The following GRID2 variants were observed in gnomAD, a reference collection of about 807,000 sequenced individuals.
GRID2 encodes the protein glutamate ionotropic receptor delta type subunit 2.
Under a neutral mutation model 114.8 loss-of-function variants are expected in GRID2, and 33 were observed. That is an observed-to-expected ratio of 0.29 (90% CI 0.22 to 0.38). The LOEUF (loss-of-function observed/expected upper bound fraction) is 0.38, where lower values mean the gene tolerates loss of function less well. GRID2 is among the 10% of genes least tolerant of loss of function. The pLI is 1.00. For missense variants in GRID2, 1,184 were observed against 1,257.7 expected, an observed-to-expected ratio of 0.94 and a Z score of 0.89; for synonymous variants, 505 against 449.9, an observed-to-expected ratio of 1.12 and a Z score of -1.55.
chr4:92,796,091 C>A (rs1277091585), intron 2 of GRID2, among the ~76,000 whole-genome samples: 2 of 151,882 alleles, frequency 1.3e-5, no homozygotes, highest in Non-Finnish European at 2.9e-5. Context: ...ATACTGTAAT[C>A]ATTCCCGACT....
At chr4:92,444,195 C>T (rs2149071240) in intron 1 of GRID2, among the ~76,000 whole-genome samples, 1 of 152,288 alleles carries the variant, frequency 6.6e-6, no homozygotes, top group East Asian at 1.9e-4. Flanking sequence ...CGAGTCATGG[C>T]ACCAAAATTC....
At chr4:93,248,801 T>C (rs1039914167) in intron 8 of GRID2, among the ~76,000 whole-genome samples, 1 of 152,176 alleles carries the variant, frequency 6.6e-6, no homozygotes, top group Non-Finnish European at 1.5e-5. Flanking sequence ...ATTGGAATTG[T>C]AATAATGGCT....
At chr4:92,442,555 C>A (rs1159002787) in intron 1 of GRID2, among the ~76,000 whole-genome samples, 1 of 151,814 alleles carries the variant, frequency 6.6e-6, no homozygotes, top group African/African-American at 2.4e-5. Flanking sequence ...CAACTTTTTT[C>A]TATTATTGTA....
chr4:92,727,874 A>G (rs1206071476), intron 2 of GRID2, among the ~76,000 whole-genome samples: 2 of 152,148 alleles, frequency 1.3e-5, no homozygotes, highest in African/African-American at 2.4e-5. Context: ...ACTGATCCAT[A>G]TGAACCCAGA....
intron 9 of GRID2, among the ~76,000 whole-genome samples, chr4:93,420,005 C>G (rs1374745946): frequency 6.6e-6 from 1 of 152,054 alleles, no homozygotes; most frequent in African/African-American, 2.4e-5. Context: ...TGTTATTCAA[C>G]TTCCTGGTGA....
rs36040792 is a variant in GRID2 at position 93,006,652 on chromosome 4, AC to A, written c.245-78338del. ...CCGTATAATATCAAAATATAAAAAC[AC>A]CCCCAATTAAATAAGTTTTTTTTTC... On this transcript the variant is annotated intron_variant, in intron 2 of 15. Coordinates refer to ENST00000282020, the MANE Select transcript of GRID2 (RefSeq NM_001510.4). Among the ~76,000 whole-genome samples the A allele has an allele frequency of 2.5e-3, 376 of 151,920 alleles. 1 individual carries two copies. The highest frequency in any genetic ancestry group is 4.4e-3 in the Non-Finnish European group (301 of 67,928).
intron 2 of GRID2, among the ~76,000 whole-genome samples, chr4:92,606,577 T>C (rs1729463821): frequency 1.3e-5 from 2 of 151,970 alleles, no homozygotes; most frequent in Non-Finnish European, 2.9e-5. Flanking sequence ...CTGCTCTGTA[T>C]CACTCTCTTG....
intron 1 of GRID2, among the ~76,000 whole-genome samples, chr4:92,574,185 T>C (rs1325876432): frequency 6.6e-6 from 1 of 152,058 alleles, no homozygotes; most frequent in Admixed American, 6.6e-5. Context: ...CCTATGTGTG[T>C]CTTTGTATGT....
intron 4 of GRID2, among the ~76,000 whole-genome samples, chr4:93,167,282 A>T (rs1738345085): frequency 6.6e-6 from 1 of 152,162 alleles, no homozygotes. Context: ...TGATGGCTCC[A>T]GTTGTTGCAC....
chr4:93,108,106 T>C (rs1732423196), intron 3 of GRID2, among the ~76,000 whole-genome samples: 1 of 152,142 alleles, frequency 6.6e-6, no homozygotes, highest in African/African-American at 2.4e-5. Flanking sequence ...TCCTTATCTA[T>C]TTGCTTGGAT....
chr4:93,115,005 G>A (rs1471698251), intron 4 of GRID2, among the ~76,000 whole-genome samples: 1 of 152,014 alleles, frequency 6.6e-6, no homozygotes, highest in Non-Finnish European at 1.5e-5. Context: ...TCACAGATAA[G>A]TTGTGTCACC....
chr4:92,631,021 A>G (rs1730783178), intron 2 of GRID2, among the ~76,000 whole-genome samples: 1 of 151,742 alleles, frequency 6.6e-6, no homozygotes, highest in Non-Finnish European at 1.5e-5. Flanking sequence ...TGAGAAAAAA[A>G]AAAAGAAAAA....
intron 2 of GRID2, among the ~76,000 whole-genome samples, chr4:92,942,038 C>A (rs954099963): frequency 2.0e-5 from 3 of 152,144 alleles, no homozygotes; most frequent in Admixed American, 6.6e-5. Flanking sequence ...AGAAGAATGT[C>A]TATTCTGTTA....
intron 1 of GRID2, among the ~76,000 whole-genome samples, chr4:92,563,574 A>G (rs896007272): frequency 5.3e-5 from 8 of 152,104 alleles, no homozygotes; most frequent in African/African-American, 1.9e-4. Context: ...TCTTCCAGAA[A>G]CACTTAATGC....
At chr4:92,944,103 C>A (rs745532460) in intron 2 of GRID2, among the ~76,000 whole-genome samples, 2 of 152,178 alleles carry the variant, frequency 1.3e-5, no homozygotes, top group Non-Finnish European at 2.9e-5. Context: ...CTACTCTCTT[C>A]AAAGCTGTCA....
intron 8 of GRID2, among the ~76,000 whole-genome samples, chr4:93,377,794 C>G (rs1189771891): frequency 2.6e-5 from 4 of 151,778 alleles, no homozygotes; most frequent in Admixed American, 2.6e-4. Context: ...AAATGAGTCT[C>G]AAAATTGACA....
intron 4 of GRID2, chr4:93,204,008 A>G (rs1461815989): frequency 1.3e-5 from 2 of 152,208 alleles, no homozygotes; most frequent in Non-Finnish European, 2.9e-5. Flanking sequence ...TGAGTGTCCC[A>G]GCAGAAGGAG....
At chr4:93,661,192 C>G (rs1458528812) in intron 14 of GRID2, among the ~76,000 whole-genome samples, 3 of 152,186 alleles carry the variant, frequency 2.0e-5, no homozygotes, top group Admixed American at 6.5e-5. Context: ...TTTGTAACCT[C>G]CAAATCAGTT....
intron 1 of GRID2, among the ~76,000 whole-genome samples, chr4:92,450,270 T>C (rs1215040271): frequency 6.6e-6 from 1 of 152,088 alleles, no homozygotes; most frequent in Non-Finnish European, 1.5e-5. Flanking sequence ...GTAGAATGAA[T>C]AGATGAATTT....
Sources: allele counts gnomAD v4.1 joint callset (sites outside exome capture counted in the v4.1 genomes callset), GRCh38; gene constraint gnomAD v4.1.1; transcripts MANE v1.5; gene names NCBI Gene and HGNC (gene_info 2026-07-23, HGNC 2026-07-21).